The following OSM variants were observed in gnomAD, a reference collection of about 807,000 sequenced individuals.
OSM encodes the protein oncostatin M.
Under a neutral mutation model 6.3 loss-of-function variants are expected in OSM, and 1 was observed. That is an observed-to-expected ratio of 0.16 (90% CI 0.06 to 0.76). OSM has a LOEUF of 0.76. OSM is among the 30% of genes least tolerant of loss of function. The pLI, the probability that OSM is intolerant of heterozygous loss-of-function variation, is 0.77. For synonymous variants in OSM, 135 were observed against 143.4 expected (o/e 0.94, Z 0.42); for missense variants, 324 against 336.9 (o/e 0.96, Z 0.30).
In OSM at chr22:30,264,480, G is replaced by C; in HGVS notation, c.178-16C>G. On this transcript the variant is annotated splice_polypyrimidine_tract_variant and intron_variant, in intron 2 of 2. Transcript: ENST00000215781. ...GGATACGTATCTGGCGGGAACAGGA[G>C]GATCACAGGGTGAATGCTGAGGATC... 1 of 1,583,236 alleles carries C rather than the reference G, an allele frequency of 6.3e-7. No homozygotes were observed. The highest frequency in any genetic ancestry group is 8.6e-7 in the Non-Finnish European group (1 of 1,157,982).
chr22:30,264,294 G>A lies in OSM; in HGVS notation c.348C>T (p.Arg116=). The A allele has an allele frequency of 6.2e-7, 1 of 1,614,100 alleles. No individual in the cohort carries two copies. Among genetic ancestry groups the A allele is most frequent in the Non-Finnish European group, 8.5e-7 (1 of 1,180,038 alleles). Residue 116 remains arginine, a synonymous_variant, in exon 3 of 3, where the codon CGC becomes CGT. Coordinates refer to ENST00000215781, the MANE Select transcript of OSM (RefSeq NM_020530.6). ...VLHRLADLEQ[R]LPKAQDLERS... ...TCTCCAAATCCTGGGCCTTGGGGAG[G>A]CGCTGCTCTAAGTCGGCCAGTCTGT...
rs745392475 is a variant in OSM at position 30,263,865 on chromosome 22, C to CA, written c.*17dup. 3.4e-6 allele frequency: 5 copies of CA among 1,487,800 alleles called. No homozygotes were observed. The East Asian group carries it at 6.9e-5, about 21-fold the overall frequency. The allele number at this position is 1,487,800 out of a possible 1,614,324, so 92.2% of individuals were successfully genotyped here. A position where few individuals can be genotyped will look rare whatever the true frequency, so the allele number is the denominator to read the frequency against. ...GAGCACCTGCCGCATCCTTCACCGG[C>CA]AAGGGGTGCTCTCGAGGCTACCGGG... On this transcript the variant is annotated 3_prime_UTR_variant, in exon 3 of 3. Coordinates refer to ENST00000215781, the MANE Select transcript of OSM (RefSeq NM_020530.6).
At position 30,263,536 on chromosome 22, in the gene OSM, C is replaced by A. The variant is rs73166588; in HGVS notation, c.*347G>T. On this transcript the variant is annotated 3_prime_UTR_variant, in exon 3 of 3. Transcript: ENST00000215781. Reference sequence around the variant, plus strand: ...CCTGCAAGTCATGAGAGGGAAGGACCGGCAGGCCTCGGGGAGCAAGGCAGG... The same window carrying A: ...CCTGCAAGTCATGAGAGGGAAGGACAGGCAGGCCTCGGGGAGCAAGGCAGG... The A allele has an allele frequency of 4.8e-4, 136 of 281,372 alleles. No homozygotes were observed. Among genetic ancestry groups the A allele is most frequent in the Non-Finnish European group, 6.8e-4 (103 of 151,302 alleles). 17.4% of individuals were successfully genotyped at this position (281,372 alleles called of 1,614,324 possible).
In OSM at chr22:30,263,552, G is replaced by A; in HGVS notation, c.*331C>T. Reference sequence around the variant, plus strand: ...GGGAAGGACCGGCAGGCCTCGGGGAGCAAGGCAGGGGGGCAGTCAGCCCGG... The same window carrying A: ...GGGAAGGACCGGCAGGCCTCGGGGAACAAGGCAGGGGGGCAGTCAGCCCGG... On this transcript the variant is annotated 3_prime_UTR_variant, in exon 3 of 3. Transcript: ENST00000215781. 1 of 310,274 alleles carries A rather than the reference G, an allele frequency of 3.2e-6. No homozygotes were observed. Among genetic ancestry groups the A allele is most frequent in the Non-Finnish European group, 5.9e-6 (1 of 169,498 alleles). 19.2% of individuals were successfully genotyped at this position (310,274 alleles called of 1,614,324 possible). A position where few individuals can be genotyped will look rare whatever the true frequency, so the allele number is the denominator to read the frequency against.
chr22:30,266,814 C>T lies in OSM; in HGVS notation c.-15G>A. The T allele has an allele frequency of 6.2e-7, 1 of 1,610,942 alleles. No homozygotes were observed. The highest frequency in any genetic ancestry group is 8.5e-7 in the Non-Finnish European group (1 of 1,178,274). ...AGTACCCCCATGCTGGGTGCCCGTG[C>T]TCCGGCCCGCGCCCGCTGGGGGTGA... On this transcript the variant is annotated 5_prime_UTR_variant, in exon 1 of 3. Coordinates refer to ENST00000215781, the MANE Select transcript of OSM (RefSeq NM_020530.6). The surrounding 1 kb of genome is among the most constrained non-coding windows in gnomAD (Gnocchi z 5.0).
intron 1 of OSM, 155 bp from the exon 2 acceptor site, chr22:30,265,299 G>A (rs1569151640): frequency 1.0e-6 from 1 of 985,438 alleles, no homozygotes; most frequent in South Asian, 4.7e-5. Context: ...GGCACGGTGT[G>A]TGCCCAGGTG....
chr22:30,263,539 C>T lies in OSM; in HGVS notation c.*344G>A. On this transcript the variant is annotated 3_prime_UTR_variant, in exon 3 of 3. Transcript: ENST00000215781. ...GCAAGTCATGAGAGGGAAGGACCGG[C>T]AGGCCTCGGGGAGCAAGGCAGGGGG... 3.5e-6 allele frequency: 1 copy of T among 287,792 alleles called. No homozygotes were observed. The highest frequency in any genetic ancestry group is 6.4e-6 in the Non-Finnish European group (1 of 155,374). 17.8% of individuals were successfully genotyped at this position (287,792 alleles called of 1,614,324 possible).
chr22:30,263,724 A>C lies in OSM; in HGVS notation c.*159T>G. On this transcript the variant is annotated 3_prime_UTR_variant, in exon 3 of 3. Transcript: ENST00000215781. The stretch of plus-strand genomic sequence containing the variant: ...CTCTGTCTCCCAGCCTGGAGGAGGT[A>C]GAGGGGTCTGCCCAGCTCCCACCTC... 1 of 501,058 alleles carries C rather than the reference A, an allele frequency of 2.0e-6. No individual in the cohort carries two copies. Among genetic ancestry groups the C allele is most frequent in the Non-Finnish European group, 3.4e-6 (1 of 293,072 alleles). 31.0% of individuals were successfully genotyped at this position (501,058 alleles called of 1,614,324 possible).
Position 30,264,391 on chromosome 22 carries a change from T to C in OSM, c.251A>G (p.Glu84Gly), listed in dbSNP as rs1929334755. 2 of 1,614,054 alleles carry C rather than the reference T, an allele frequency of 1.2e-6. No individual in the cohort carries two copies. The highest frequency in any genetic ancestry group is 4.5e-5 in the East Asian group (2 of 44,884). The change falls in exon 3 of 3, where the codon GAG becomes GGG. Residue 84 changes from glutamate (E) to glycine (G), a missense_variant. Physicochemically the swap from Glu to Gly is moderately conservative, Grantham distance 98. Transcript: ENST00000215781. ...CCTGCCCAGCCCCCTCAGGGTCTCC[T>C]CACTGGGGAAGGCCCCGGGGCGCTC... ...CRERPGAFPSEETLRGLGRRG... is the reference protein window; with the variant it reads ...CRERPGAFPSGETLRGLGRRG...
At chr22:30,264,648 T>C (rs1020898551) in intron 2 of OSM, among the ~76,000 whole-genome samples, 184 bp from the exon 3 acceptor site, 1 of 152,078 alleles carries the variant, frequency 6.6e-6, no homozygotes, top group Non-Finnish European at 1.5e-5. Flanking sequence ...GGAGTGATGT[T>C]GGGGGGCTGG....
At chr22:30,265,296 TGTGTGCCCAG>T (rs1288310755) in intron 1 of OSM, 152 bp from the exon 2 acceptor site, 5 of 1,463,166 alleles carry the variant, frequency 3.4e-6, no homozygotes, top group African/African-American at 1.4e-5. Context: ...TGTGGCACGG[TGTGTGCCCAG>T]GTGTGCCCAC....
In OSM at chr22:30,263,837, A is replaced by C. The variant is rs1175484191; in HGVS notation, c.*46T>G. 1 of 1,427,706 alleles carries C rather than the reference A, an allele frequency of 7.0e-7. No individual in the cohort carries two copies. The highest frequency in any genetic ancestry group is 9.3e-7 in the Non-Finnish European group (1 of 1,073,544). 88.4% of individuals were successfully genotyped at this position (1,427,706 alleles called of 1,614,324 possible). ...CATCCTGCGATGGTTCCTCTCATCC[A>C]CAGAGCACCTGCCGCATCCTTCACC... On this transcript the variant is annotated 3_prime_UTR_variant, in exon 3 of 3. Transcript: ENST00000215781.
Position 30,265,127 on chromosome 22 carries a change from G to A in OSM, c.52C>T (p.Leu18=), listed in dbSNP as rs533518224. The A allele has an allele frequency of 1.2e-6, 2 of 1,614,070 alleles. No individual in the cohort carries two copies. Among genetic ancestry groups the A allele is most frequent in the South Asian group, 2.2e-5 (2 of 91,084 alleles). ...GCCATGCTCGCCATGCTTGGAAACA[G>A]GAGTGCAAGGACCAGACCTAAGGCA... ...RTLLSLVLAL[L]FPSMASMAAI... is the part of the protein sequence containing the mutation. Residue 18 remains leucine, a synonymous_variant, in exon 2 of 3, where the codon CTG becomes TTG. Coordinates refer to ENST00000215781, the MANE Select transcript of OSM (RefSeq NM_020530.6).
chr22:30,263,883 C>T lies in OSM; in HGVS notation c.759G>A (p.Ter253=), dbSNP rs751742630. The T allele has an allele frequency of 1.0e-5, 15 of 1,495,900 alleles. No individual in the cohort carries two copies. Among genetic ancestry groups the T allele is most frequent in the African/African-American group, 4.2e-5 (3 of 71,478 alleles). 92.7% of individuals were successfully genotyped at this position (1,495,900 alleles called of 1,614,324 possible). The change falls in exon 3 of 3, where the codon TAG becomes TAA. Residue 253 remains the stop codon, a stop_retained_variant. Coordinates refer to ENST00000215781, the MANE Select transcript of OSM (RefSeq NM_020530.6). The part of the protein sequence containing the change: ...RLMTRGQLPR[*] ...TCACCGGCAAGGGGTGCTCTCGAGG[C>T]TACCGGGGCAGCTGTCCCCTGGTCA...
rs201796676 is a variant in OSM, at chr22:30,264,159, G to A, written c.483C>T (p.Asp161=). ...YCMAQLLDNS[D]TAEPTKAGRG... ...GGCCAGCCTTCGTGGGCTCAGCCGT[G>A]TCTGAGTTGTCCAGCAGCTGGGCCA... Residue 161 remains aspartate, a synonymous_variant, in exon 3 of 3, where the codon GAC becomes GAT. Transcript: ENST00000215781. The A allele has an allele frequency of 1.9e-6, 3 of 1,613,690 alleles. No individual in the cohort carries two copies. The African/African-American group carries it at 4.0e-5, about 22-fold the overall frequency.
At chr22:30,264,860 G>A in intron 2 of OSM, 142 bp downstream of exon 2, 1 of 1,117,396 alleles carries the variant, frequency 8.9e-7, no homozygotes, top group South Asian at 1.5e-5. Flanking sequence ...GCTCCTCAGG[G>A]TTAAGGCTGG....
intron 1 of OSM, chr22:30,265,422 C>A: frequency 8.0e-7 from 1 of 1,251,016 alleles, no homozygotes; most frequent in South Asian, 2.1e-5. Flanking sequence ...GGTCTTTGAG[C>A]AAAGGCTGCA....
rs758279373 is a variant in OSM at position 30,264,263 on chromosome 22, C to G, written c.379G>C (p.Gly127Arg). Residue 127 changes from glycine to arginine, a missense_variant, in exon 3 of 3, where the codon GGG (glycine) becomes CGG (arginine). Gly to Arg is a moderately radical substitution (Grantham distance 125). Coordinates refer to ENST00000215781, the MANE Select transcript of OSM (RefSeq NM_020530.6). ...LPKAQDLERS[G>R]LNIEDLEKLQ... Reference sequence around the variant, plus strand: ...TTCTCCAAGTCCTCGATGTTCAGCCCAGACCTCTCCAAATCCTGGGCCTTG... The same window carrying G: ...TTCTCCAAGTCCTCGATGTTCAGCCGAGACCTCTCCAAATCCTGGGCCTTG... 12 of 1,614,070 alleles carry G rather than the reference C, an allele frequency of 7.4e-6. No individual in the cohort carries two copies. Among genetic ancestry groups the G allele is most frequent in the African/African-American group, 1.3e-5 (1 of 74,956 alleles).
intron 1 of OSM, 162 bp from the exon 2 acceptor site, chr22:30,265,306 G>A: frequency 1.0e-6 from 1 of 985,426 alleles, no homozygotes; most frequent in Non-Finnish European, 1.2e-6. Context: ...TGTGTGCCCA[G>A]GTGTGCCCAC....
Sources: allele counts gnomAD v4.1 joint callset (sites outside exome capture counted in the v4.1 genomes callset), GRCh38; gene constraint gnomAD v4.1.1; non-coding constraint Gnocchi (gnomAD v3.1); transcripts MANE v1.5; gene names NCBI Gene and HGNC (gene_info 2026-07-23, HGNC 2026-07-21).